PUDP: variants seen among roughly 807,000 people sequenced by gnomAD.
PUDP encodes pseudouridine-5'-phosphatase.
Under a neutral mutation model 9.4 loss-of-function variants are expected in PUDP, and 8 were observed. The observed-to-expected ratio is 0.85, with a 90% CI of 0.50 to 1.53. The LOEUF (loss-of-function observed/expected upper bound fraction) is 1.53. Ranked by LOEUF, PUDP falls within the 40% of genes most tolerant of loss-of-function variation. The pLI is 0.00. For synonymous variants in PUDP, 99 were observed against 80.7 expected, an observed-to-expected ratio of 1.23 and a Z score of -1.22; for missense variants, 188 against 189.7, an observed-to-expected ratio of 0.99 and a Z score of 0.05.
chrX:7,024,515 T>G (rs1462117474), intron 1 of PUDP, among the ~76,000 whole-genome samples: 1 of 110,532 alleles, frequency 9.0e-6, no homozygotes, highest in Non-Finnish European at 1.9e-5. Context: ...GTAACACTGA[T>G]TGGTCTTCAA....
chrX:6,848,768 T>G (rs1926785227), intron 3 of PUDP, among the ~76,000 whole-genome samples: 1 of 111,096 alleles, frequency 9.0e-6, no homozygotes, highest in African/African-American at 3.3e-5. Context: ...GTCTGGGACT[T>G]CCCCCCACTC....
chrX:6,950,950 GTGT>G (rs1345760721), intron 3 of PUDP, among the ~76,000 whole-genome samples: 1 of 87,449 alleles, frequency 1.1e-5, no homozygotes, highest in Admixed American at 1.2e-4. Flanking sequence ...CCTTGGTTGT[GTGT>G]TTTTTTTTTT....
rs185464500 is a variant in PUDP at position 6,976,289 on chromosome X, G to A, written c.*247+844C>T. 2.3e-3 allele frequency among the ~76,000 whole-genome samples: 252 copies of A among 111,759 alleles called. 1 individual carries two copies. The highest frequency in any genetic ancestry group is 6.6e-3 in the Admixed American group (70 of 10,557). On this transcript the variant is annotated intron_variant and NMD_transcript_variant, in intron 3 of 3. Transcript: ENST00000655425. ...CAGCTAGCTTGGTGTCTACCCAAAC[G>A]GCTGCCCAGTTTTGTGCTTGAAACC...
At chrX:6,785,118 G>A (rs1340906017) in intron 3 of PUDP, among the ~76,000 whole-genome samples, 1 of 112,228 alleles carries the variant, frequency 8.9e-6, no homozygotes, top group Non-Finnish European at 1.9e-5. Flanking sequence ...AGAGACGCAC[G>A]TGATCACATT....
intron 1 of PUDP, among the ~76,000 whole-genome samples, chrX:6,981,153 G>A (rs994123652): frequency 2.2e-4 from 25 of 111,830 alleles, no homozygotes; most frequent in African/African-American, 7.1e-4. Context: ...CCTATGTGGC[G>A]CAGAAATATT....
At chrX:6,991,917 T>C (rs1478645329) in intron 1 of PUDP, among the ~76,000 whole-genome samples, 2 of 111,174 alleles carry the variant, frequency 1.8e-5, no homozygotes, top group African/African-American at 3.3e-5. Context: ...TGGCTTATCT[T>C]CTGAGAGGGG....
chrX:7,072,151 C>T (rs1477301706), intron 3 of PUDP, among the ~76,000 whole-genome samples: 1 of 111,718 alleles, frequency 9.0e-6, no homozygotes, highest in Non-Finnish European at 1.9e-5. Context: ...TGTCTAAAGG[C>T]TGGTTGAAAT....
intron 3 of PUDP, among the ~76,000 whole-genome samples, chrX:6,755,939 G>GA (rs1287552681): frequency 9.0e-6 from 1 of 111,106 alleles, no homozygotes; most frequent in Non-Finnish European, 1.9e-5. Context: ...ATGTTGTCCT[G>GA]AAAACCAAAG....
intron 3 of PUDP, among the ~76,000 whole-genome samples, chrX:6,735,648 C>T (rs1924862650): frequency 9.0e-6 from 1 of 111,509 alleles, no homozygotes. Context: ...ACTTTTGCAA[C>T]CAACCTTCAC....
intron 3 of PUDP, among the ~76,000 whole-genome samples, chrX:6,926,637 G>A (rs1216356713): frequency 8.9e-6 from 1 of 112,144 alleles, no homozygotes; most frequent in Admixed American, 9.5e-5. Flanking sequence ...AGCTATATCT[G>A]TCCTTCCTTA....
chrX:6,933,551 A>C (rs1412226910), intron 3 of PUDP, among the ~76,000 whole-genome samples: 1 of 110,935 alleles, frequency 9.0e-6, no homozygotes, highest in Admixed American at 9.6e-5. Flanking sequence ...AGAACACAAA[A>C]ACTGGAAACT....
intron 3 of PUDP, among the ~76,000 whole-genome samples, chrX:6,769,922 A>T (rs1180277086): frequency 8.9e-6 from 1 of 112,533 alleles, no homozygotes; most frequent in African/African-American, 3.2e-5. Context: ...CGGGGGATAA[A>T]TTGCAAGCAG....
intron 1 of PUDP, among the ~76,000 whole-genome samples, chrX:7,139,723 C>A (rs1374674445): frequency 8.9e-6 from 1 of 112,074 alleles, no homozygotes; most frequent in Non-Finnish European, 1.9e-5. Context: ...ACAGCTATGT[C>A]ATCTGCAGTG....
At chrX:6,887,030 CTA>C (rs1390161699) in intron 3 of PUDP, among the ~76,000 whole-genome samples, 1 of 103,523 alleles carries the variant, frequency 9.7e-6, no homozygotes, top group Non-Finnish European at 1.9e-5. Context: ...TATTATATAT[CTA>C]TATGATAAAT....
chrX:6,782,891 A>G (rs1925587116), intron 3 of PUDP, among the ~76,000 whole-genome samples: 1 of 111,935 alleles, frequency 8.9e-6, no homozygotes, highest in Non-Finnish European at 1.9e-5. Context: ...TTTCTCCGTG[A>G]TTTCTCTCCT....
At chrX:6,840,871 ACT>A (rs1926657865) in intron 3 of PUDP, among the ~76,000 whole-genome samples, 1 of 109,818 alleles carries the variant, frequency 9.1e-6, no homozygotes, top group South Asian at 3.9e-4. Context: ...GTATATGGAA[ACT>A]CTCTGTACCT....
chrX:6,913,846 T>G (rs751691580), intron 3 of PUDP, among the ~76,000 whole-genome samples: 1 of 111,476 alleles, frequency 9.0e-6, no homozygotes, highest in African/African-American at 3.3e-5. Flanking sequence ...CTGTCTCCAA[T>G]TTGTATAGAA....
At chrX:7,095,411 G>A (rs1172878610) in intron 2 of PUDP, among the ~76,000 whole-genome samples, 1 of 112,319 alleles carries the variant, frequency 8.9e-6, no homozygotes, top group Non-Finnish European at 1.9e-5. Flanking sequence ...GAGCCAACAC[G>A]ACCATAGTGG....
intron 3 of PUDP, among the ~76,000 whole-genome samples, chrX:6,846,961 T>C (rs1047849783): frequency 9.0e-5 from 10 of 111,369 alleles, no homozygotes; most frequent in African/African-American, 3.3e-4. Flanking sequence ...TTCAGGGTCA[T>C]AATCCATCTA....
Sources: allele counts gnomAD v4.1 joint callset (sites outside exome capture counted in the v4.1 genomes callset), GRCh38; gene constraint gnomAD v4.1.1; transcripts MANE v1.5; gene names NCBI Gene and HGNC (gene_info 2026-07-23, HGNC 2026-07-21).